The following JAG1 variants were observed in gnomAD, a reference collection of about 807,000 sequenced individuals.
JAG1 encodes protein jagged-1.
In JAG1, 23 loss-of-function variants were observed where a neutral mutation model predicts 148.7. That is an observed-to-expected ratio of 0.15 (90% CI 0.11 to 0.22). The LOEUF is 0.22. Among genes scored for constraint, JAG1 ranks in the 10% least tolerant of loss-of-function variants. JAG1 has a pLI of 1.00. For missense variants in JAG1, 1,054 were observed against 1,611.2 expected (o/e 0.65, Z 5.92); for synonymous variants, 572 against 598.3 (o/e 0.96, Z 0.64).
At chr20:10,640,049 C>T in intron 25 of JAG1, 94 bp from the exon 26 acceptor site, 1 of 982,142 alleles carries the variant, frequency 1.0e-6, no homozygotes, top group Non-Finnish European at 1.6e-6. Context: ...GGTTCTCCTG[C>T]CCTTTATCCC....
In JAG1 at chr20:10,643,857, G is replaced by T. The variant is rs1418864237; in HGVS notation, c.2379C>A (p.Asn793Lys). 1.9e-6 allele frequency: 3 copies of T among 1,613,730 alleles called. No homozygotes were observed. Among genetic ancestry groups the T allele is most frequent in the Non-Finnish European group, 2.5e-6 (3 of 1,179,854 alleles). ...TGTCTCCATCCACACAGGTGCCGCT[G>T]TTGTAACTAAGAAAGCAAAGACCAC... The part of the protein sequence containing the change: ...TNDCSPHPCY[N>K]SGTCVDGDNW... The change falls in exon 20 of 26, where the codon AAC (asparagine) becomes AAA (lysine). Residue 793 changes from asparagine to lysine, a missense_variant. Around this residue, in one of 6 missense-constraint regions of JAG1, gnomAD observed 342 missense variants for 514.6 expected, o/e 0.66. Transcript: ENST00000254958.
rs2067394310 is a variant in JAG1, at chr20:10,658,658, C to T, written c.504G>A (p.Gln168=). 6.2e-7 allele frequency: 1 copy of T among 1,614,170 alleles called. No homozygotes were observed. The highest frequency in any genetic ancestry group is 1.3e-5 in the African/African-American group (1 of 74,962). ...SGMINPSRQW[Q]TLKQNTGVAH... is the part of the protein sequence containing the mutation. Reference sequence around the variant, plus strand: ...CAACGCCCGTGTTCTGCTTCAGCGTCTGCCACTGCCGGCTGGGGTTGATCA... The same window carrying T: ...CAACGCCCGTGTTCTGCTTCAGCGTTTGCCACTGCCGGCTGGGGTTGATCA... Residue 168 remains glutamine (Q), a synonymous_variant, in exon 4 of 26, where the codon CAG becomes CAA. Coordinates refer to ENST00000254958, the MANE Select transcript of JAG1 (RefSeq NM_000214.3).
Position 10,668,510 on chromosome 20 carries a change from GCATT to G in JAG1, c.387+4187_387+4190del, listed in dbSNP as rs1402189625. ...AATTGTATGCACATCCAGAGATCAT[GCATT>G]CTTACATTGTCACTAACCTTGAAAG... On this transcript the variant is annotated intron_variant, in intron 2 of 25. Transcript: ENST00000254958. Among the ~76,000 whole-genome samples, 65 of 152,254 alleles carry G rather than the reference GCATT, an allele frequency of 4.3e-4. 1 individual carries two copies. Among genetic ancestry groups the G allele is most frequent in the African/African-American group, 1.5e-3 (62 of 41,534 alleles).
In JAG1 at chr20:10,673,342, G is replaced by A; in HGVS notation, c.81+108C>T. ...AGCCGCTCGGGCGCAGGGGCGAGGAGTCGGGCGCTCGAGGGCTGCCGAGCC... is the reference window on the plus strand; with the variant it reads ...AGCCGCTCGGGCGCAGGGGCGAGGAATCGGGCGCTCGAGGGCTGCCGAGCC... On this transcript the variant is annotated intron_variant, in intron 1 of 25. Transcript: ENST00000254958. This position sits in a 1 kb window ranked among gnomAD's most constrained non-coding sequence, Gnocchi z 4.7. 3 of 855,380 alleles carry A rather than the reference G, an allele frequency of 3.5e-6. No homozygotes were observed. The East Asian group carries it at 8.4e-5, about 24-fold the overall frequency. The allele number at this position is 855,380 out of a possible 1,614,324, so 53.0% of individuals were successfully genotyped here. A position where few individuals can be genotyped will look rare whatever the true frequency, so the allele number is the denominator to read the frequency against.
intron 2 of JAG1, among the ~76,000 whole-genome samples, chr20:10,666,213 C>G (rs538040078): frequency 3.9e-5 from 6 of 152,274 alleles, no homozygotes; most frequent in African/African-American, 1.4e-4. Context: ...AGGAGGCACT[C>G]AACCTCCCAC....
chr20:10,673,587 C>T lies in JAG1; in HGVS notation c.-57G>A. On this transcript the variant is annotated 5_prime_UTR_variant, in exon 1 of 26. Coordinates refer to ENST00000254958, the MANE Select transcript of JAG1 (RefSeq NM_000214.3). The surrounding 1 kb of genome is among the most constrained non-coding windows in gnomAD (Gnocchi z 4.7). Reference sequence around the variant, plus strand: ...GCCGCCGCTGCTGTTCGCGCTGGTGCTGCCGCCGGTGCTGCCGTCGCCGCT... The same window carrying T: ...GCCGCCGCTGCTGTTCGCGCTGGTGTTGCCGCCGGTGCTGCCGTCGCCGCT... 9.6e-7 allele frequency: 1 copy of T among 1,041,776 alleles called. No homozygotes were observed. The highest frequency in any genetic ancestry group is 1.2e-6 in the Non-Finnish European group (1 of 815,882). 64.5% of individuals were successfully genotyped at this position (1,041,776 alleles called of 1,614,324 possible).
intron 5 of JAG1, among the ~76,000 whole-genome samples, chr20:10,655,857 G>A (rs910882399): frequency 6.6e-5 from 10 of 152,164 alleles, no homozygotes; most frequent in African/African-American, 9.7e-5. Context: ...AGACTTCAAA[G>A]GACTGCAGCA....
chr20:10,651,486 GAC>G, intron 8 of JAG1, 93 bp downstream of exon 8: 1 of 789,672 alleles, frequency 1.3e-6, no homozygotes, highest in South Asian at 1.5e-5. Flanking sequence ...CTCTCACCGA[GAC>G]ATTCACACTG....
intron 8 of JAG1, 46 bp from the exon 9 acceptor site, chr20:10,650,406 T>C: frequency 9.1e-7 from 1 of 1,094,902 alleles, no homozygotes; most frequent in Non-Finnish European, 1.4e-6. Context: ...ATTCAATCCA[T>C]CTGACAATTA....
At chr20:10,661,324 G>A (rs1291486054) in intron 3 of JAG1, among the ~76,000 whole-genome samples, 5 of 152,094 alleles carry the variant, frequency 3.3e-5, no homozygotes, top group African/African-American at 9.7e-5. Flanking sequence ...TTTACAACTC[G>A]CTTGGGTCCC....
chr20:10,657,417 C>A (rs1239399975), intron 4 of JAG1, among the ~76,000 whole-genome samples: 1 of 151,042 alleles, frequency 6.6e-6, no homozygotes, highest in African/African-American at 2.4e-5. Flanking sequence ...TTTTAAAACA[C>A]ACTAAAATAT....
At chr20:10,647,505 A>AG in intron 13 of JAG1, among the ~76,000 whole-genome samples, 1 of 152,270 alleles carries the variant, frequency 6.6e-6, no homozygotes, top group Non-Finnish European at 1.5e-5. Context: ...TACAGCAGCC[A>AG]CCGGCCACAT....
At chr20:10,668,534 T>G (rs912910702) in intron 2 of JAG1, among the ~76,000 whole-genome samples, 6 of 152,172 alleles carry the variant, frequency 3.9e-5, no homozygotes, top group African/African-American at 1.4e-4. Context: ...TCACTAACCT[T>G]GAAAGCCGGA....
Position 10,644,988 on chromosome 20 carries a change from GAA to G in JAG1, c.2228-11_2228-10del. ...GCAGCTACTGTTTCGGGCTATAAAA[GAA>G]GAGCAGACACGACCACCCTCCCTGA... is the stretch of plus-strand genomic sequence containing the variant. On this transcript the variant is annotated splice_polypyrimidine_tract_variant and intron_variant, in intron 17 of 25. Transcript: ENST00000254958. The G allele has an allele frequency of 6.2e-7, 1 of 1,609,436 alleles. No individual in the cohort carries two copies. The highest frequency in any genetic ancestry group is 1.7e-5 in the Admixed American group (1 of 60,010).
At chr20:10,660,466 G>T (rs2067408741) in intron 3 of JAG1, among the ~76,000 whole-genome samples, 1 of 152,280 alleles carries the variant, frequency 6.6e-6, no homozygotes, top group Non-Finnish European at 1.5e-5. Flanking sequence ...TTCATAAAAG[G>T]GATCGGTTAA....
intron 2 of JAG1, among the ~76,000 whole-genome samples, chr20:10,669,673 C>T (rs186811969): frequency 6.9e-5 from 10 of 145,748 alleles, no homozygotes; most frequent in Admixed American, 4.2e-4. Context: ...CTTCCCCTAA[C>T]GTTTCTCTAG....
chr20:10,645,811 T>C lies in JAG1; in HGVS notation c.1999+160A>G, dbSNP rs752883995. Reference sequence around the variant, plus strand: ...CCCCATAAGCTATCATCAGGACTCATAAATGCAAATGAGACACAAGTGATA... The same window carrying C: ...CCCCATAAGCTATCATCAGGACTCACAAATGCAAATGAGACACAAGTGATA... On this transcript the variant is annotated intron_variant, in intron 15 of 25. Coordinates refer to ENST00000254958, the MANE Select transcript of JAG1 (RefSeq NM_000214.3). The surrounding 1 kb of genome is among the most constrained non-coding windows in gnomAD (Gnocchi z 6.1). 2.9e-6 allele frequency: 2 copies of C among 696,412 alleles called. No homozygotes were observed. Among genetic ancestry groups the C allele is most frequent in the Non-Finnish European group, 5.2e-6 (2 of 385,182 alleles). The allele number at this position is 696,412 out of a possible 1,614,324, so 43.1% of individuals were successfully genotyped here. A position where few individuals can be genotyped will look rare whatever the true frequency, so the allele number is the denominator to read the frequency against.
intron 5 of JAG1, among the ~76,000 whole-genome samples, chr20:10,652,899 G>A (rs1194321199): frequency 6.6e-6 from 1 of 152,074 alleles, no homozygotes; most frequent in African/African-American, 2.4e-5. Context: ...GTGAAGGCAT[G>A]GAATAAATCA....
intron 2 of JAG1, among the ~76,000 whole-genome samples, chr20:10,664,395 C>A (rs1196738008): frequency 6.7e-6 from 1 of 148,472 alleles, no homozygotes; most frequent in Non-Finnish European, 1.5e-5. Flanking sequence ...CACACACACA[C>A]ACACACACAC....
Sources: gnomAD v4.1 joint callset for allele counts (sites outside exome capture counted in the v4.1 genomes callset) on GRCh38, gnomAD v4.1.1 for gene constraint, gnomAD v4.1.1 regional missense constraint, Gnocchi (gnomAD v3.1) non-coding constraint, MANE v1.5 for transcripts, NCBI Gene and HGNC (gene_info 2026-07-23, HGNC 2026-07-21) for gene names.